TSR1: variants seen among roughly 807,000 people sequenced by gnomAD.
The protein encoded by TSR1 is pre-rRNA-processing protein TSR1 homolog.
In TSR1, 81 loss-of-function variants were observed where a neutral mutation model predicts 90.9. That is an observed-to-expected ratio of 0.89 (90% CI 0.74 to 1.07). TSR1 has a LOEUF of 1.07. TSR1 is among the 50% of genes least tolerant of loss of function. The pLI is 0.00. For synonymous variants in TSR1, 362 were observed against 348.8 expected, an observed-to-expected ratio of 1.04 and a Z score of -0.42; for missense variants, 989 against 987.3, an observed-to-expected ratio of 1.00 and a Z score of -0.02.
chr17:2,333,476 A>C, intron 6 of TSR1, 81 bp downstream of exon 6: 13 of 1,549,508 alleles, frequency 8.4e-6, no homozygotes, highest in African/African-American at 1.4e-5. Context: ...ACTCTATCCT[A>C]TAGGGCCCTC....
At chr17:2,335,162 C>T in intron 4 of TSR1, 98 bp downstream of exon 4, 1 of 1,329,598 alleles carries the variant, frequency 7.5e-7, no homozygotes, top group South Asian at 1.4e-5. Context: ...TACATCCCAC[C>T]ACCAGCTGAA....
intron 4 of TSR1, 105 bp from the exon 5 acceptor site, chr17:2,335,001 A>G (rs912827591): frequency 7.8e-7 from 1 of 1,275,504 alleles, no homozygotes. Context: ...CCCAGAGATC[A>G]CTGGGAAGCC....
At chr17:2,328,545 C>T (rs1227311764) in intron 11 of TSR1, among the ~76,000 whole-genome samples, 3 of 151,376 alleles carry the variant, frequency 2.0e-5, no homozygotes, top group African/African-American at 7.3e-5. Context: ...GCCGAGATCA[C>T]GCTATTGCAC....
chr17:2,325,713 A>G (rs1268685332), intron 11 of TSR1, among the ~76,000 whole-genome samples: 3 of 152,000 alleles, frequency 2.0e-5, no homozygotes, highest in Non-Finnish European at 4.4e-5. Flanking sequence ...CCCGGGTTCA[A>G]GCAGTTCTCC....
rs550256151 is a variant in TSR1, at chr17:2,332,110, C to G, written c.1496+59G>C. 1.6e-3 allele frequency: 2,520 copies of G among 1,581,810 alleles called. 2 individuals carry two copies. Among genetic ancestry groups the G allele is most frequent in the Non-Finnish European group, 2.1e-3 (2,413 of 1,169,100 alleles). On this transcript the variant is annotated intron_variant, in intron 8 of 14. Transcript: ENST00000301364. ...TGCATCACAGTGACACAGCTCTGAG[C>G]CAAGTTTTTAAAAACGTATTGACTG...
chr17:2,332,996 T>G lies in TSR1; in HGVS notation c.1270A>C (p.Met424Leu), dbSNP rs960299490. The G allele has an allele frequency of 6.8e-6, 11 of 1,614,148 alleles. No individual in the cohort carries two copies. The highest frequency in any genetic ancestry group is 9.3e-6 in the Non-Finnish European group (11 of 1,180,022). Residue 424 changes from methionine (M) to leucine (L), a missense_variant, in exon 7 of 15, where the codon ATG becomes CTG. Transcript: ENST00000301364. Reference sequence around the variant, plus strand: ...TCCTCCATAAAATCCTCATGTTCCATATCATCATATTCATATTCATCTCCT... The same window carrying G: ...TCCTCCATAAAATCCTCATGTTCCAGATCATCATATTCATATTCATCTCCT... ...GEGDEYEYDD[M>L]EHEDFMEEES...
At chr17:2,324,969 C>G in intron 12 of TSR1, 140 bp from the exon 13 acceptor site, 1 of 929,620 alleles carries the variant, frequency 1.1e-6, no homozygotes, top group East Asian at 2.6e-5. Context: ...GATTGGTAAA[C>G]TGTAAGCCCA....
intron 11 of TSR1, 71 bp from the exon 12 acceptor site, chr17:2,325,491 A>C: frequency 8.3e-7 from 1 of 1,200,838 alleles, no homozygotes; most frequent in Non-Finnish European, 1.2e-6. Context: ...GCCTGTGAAA[A>C]GCTGTATTAG....
At chr17:2,324,436 C>T (rs1281150051) in intron 14 of TSR1, 62 bp from the exon 15 acceptor site, 16 of 1,610,428 alleles carry the variant, frequency 9.9e-6, no homozygotes, top group Non-Finnish European at 1.4e-5. Context: ...GCAATGACTT[C>T]CAACCCAACA....
intron 11 of TSR1, among the ~76,000 whole-genome samples, chr17:2,328,241 CAAA>C (rs34888941): frequency 4.6e-4 from 33 of 72,346 alleles, no homozygotes; most frequent in African/African-American, 1.5e-3. Flanking sequence ...GACTCGGTCT[CAAA>C]AAAAAAAAAA....
chr17:2,335,168 C>A, intron 4 of TSR1, 92 bp downstream of exon 4: 2 of 1,362,192 alleles, frequency 1.5e-6, no homozygotes, highest in Non-Finnish European at 2.0e-6. Flanking sequence ...CCACCACCAG[C>A]TGAATATGAT....
In TSR1 at chr17:2,333,083, T is replaced by C. The variant is rs1039303845; in HGVS notation, c.1183A>G (p.Lys395Glu). The C allele has an allele frequency of 1.9e-6, 3 of 1,614,154 alleles. No homozygotes were observed. Among genetic ancestry groups the C allele is most frequent in the Non-Finnish European group, 2.5e-6 (3 of 1,180,024 alleles). The stretch of plus-strand genomic sequence containing the variant: ...TCAGCTTGGTAACTGGATGTTCCTT[T>C]GGGGACCTTCTTTACCACCTTAGAA... ...ESSKVVKKVP[K>E]GTSSYQAEWI... The change falls in exon 7 of 15, where the codon AAA becomes GAA. Residue 395 changes from lysine (K) to glutamate (E), a missense_variant. Physicochemically the swap from Lys to Glu is moderately conservative, Grantham distance 56. Transcript: ENST00000301364.
At position 2,333,259 on chromosome 17, in the gene TSR1, T is replaced by G. The variant is rs866105198; in HGVS notation, c.1142-135A>C. On this transcript the variant is annotated intron_variant, in intron 6 of 14. Transcript: ENST00000301364. Reference sequence around the variant, plus strand: ...GGCAGACACTGTAAATAGAACTACTTCCAAATTTAATTCAGCTGCCTCACA... The same window carrying G: ...GGCAGACACTGTAAATAGAACTACTGCCAAATTTAATTCAGCTGCCTCACA... 5 of 1,081,222 alleles carry G rather than the reference T, an allele frequency of 4.6e-6. No homozygotes were observed. In the Middle Eastern group the frequency reaches 7.8e-4, roughly 168 times the overall value. 67.0% of individuals were successfully genotyped at this position (1,081,222 alleles called of 1,614,324 possible). A position where few individuals can be genotyped will look rare whatever the true frequency, so the allele number is the denominator to read the frequency against.
At chr17:2,335,862 G>C (rs569720732) in intron 2 of TSR1, 132 bp from the exon 3 acceptor site, 1 of 1,268,078 alleles carries the variant, frequency 7.9e-7, no homozygotes. Flanking sequence ...AGGTATGCCA[G>C]CGGGGTGGCA....
At position 2,323,484 on chromosome 17, in the gene TSR1, T is replaced by G; in HGVS notation, c.*712A>C. On this transcript the variant is annotated 3_prime_UTR_variant, in exon 15 of 15. Transcript: ENST00000301364. ...ACATGGGAGGGTACCCTAGATGTATTAATGACAACCCTCTTGACAGAAGCA... is the reference window on the plus strand; with the variant it reads ...ACATGGGAGGGTACCCTAGATGTATGAATGACAACCCTCTTGACAGAAGCA... 1 of 1,160,702 alleles carries G rather than the reference T, an allele frequency of 8.6e-7. No individual in the cohort carries two copies. Among genetic ancestry groups the G allele is most frequent in the Non-Finnish European group, 1.2e-6 (1 of 812,704 alleles). The allele number at this position is 1,160,702 out of a possible 1,614,324, so 71.9% of individuals were successfully genotyped here. A position where few individuals can be genotyped will look rare whatever the true frequency, so the allele number is the denominator to read the frequency against.
At chr17:2,333,386 A>G in intron 6 of TSR1, 171 bp downstream of exon 6, 1 of 930,974 alleles carries the variant, frequency 1.1e-6, no homozygotes, top group Admixed American at 2.0e-5. Context: ...GAAATGGAAC[A>G]AGACTGTGTA....
In TSR1 at chr17:2,334,708, G is replaced by A. The variant is rs367925239; in HGVS notation, c.745C>T (p.Arg249Trp). 14 of 1,613,680 alleles carry A rather than the reference G, an allele frequency of 8.7e-6. No homozygotes were observed. The highest frequency in any genetic ancestry group is 6.6e-5 in the South Asian group (6 of 91,068). Reference protein sequence around the residue: ...QKQQHLAFRDRRAYLFAHAVD... With the variant: ...QKQQHLAFRDWRAYLFAHAVD... ...GCATGGGCAAATAGGTAGGCCCGCC[G>A]ATCTCGAAAAGCAAGATGCTGTTGC... The change falls in exon 5 of 15, where the codon CGG (arginine) becomes TGG (tryptophan). Residue 249 changes from arginine to tryptophan, a missense_variant. By Grantham distance (101) the Arg-to-Trp change is moderately radical (BLOSUM62 -3). Transcript: ENST00000301364.
At chr17:2,327,416 CAAAAAAA>C (rs770269783) in intron 11 of TSR1, among the ~76,000 whole-genome samples, 1 of 126,616 alleles carries the variant, frequency 7.9e-6, no homozygotes, top group Non-Finnish European at 1.7e-5. Flanking sequence ...GACTCTATAT[CAAAAAAA>C]AAAAAAAAAA....
rs1250055382 is a variant in TSR1, at chr17:2,324,743, G to A, written c.2107C>T (p.Pro703Ser). ...VIKRVVLSGH[P>S]FKIFTKMAVV... ...GCCATCTTAGTAAAAATTTTGAAAG[G>A]ATGACCACTCAGAACAACTCTCTTG... Residue 703 changes from proline to serine, a missense_variant, in exon 13 of 15, where the codon CCT becomes TCT. Pro to Ser is a moderately conservative substitution (Grantham distance 74, BLOSUM62 -1). Coordinates refer to ENST00000301364, the MANE Select transcript of TSR1 (RefSeq NM_018128.5). 6.2e-7 allele frequency: 1 copy of A among 1,614,062 alleles called. No individual in the cohort carries two copies. The highest frequency in any genetic ancestry group is 1.7e-5 in the Admixed American group (1 of 60,002).
Sources: allele counts gnomAD v4.1 joint callset (sites outside exome capture counted in the v4.1 genomes callset), GRCh38; gene constraint gnomAD v4.1.1; transcripts MANE v1.5; gene names NCBI Gene and HGNC (gene_info 2026-07-23, HGNC 2026-07-21).